The following ASB3 variants were observed in gnomAD, a reference collection of about 807,000 sequenced individuals.
ASB3 encodes ankyrin repeat and SOCS box containing 3.
A neutral mutation model predicts 54.5 loss-of-function variants in ASB3; 41 were observed. That is an observed-to-expected ratio of 0.75 (90% CI 0.59 to 0.98). The LOEUF is 0.98. Ranked by LOEUF, ASB3 falls within the 50% of genes least tolerant of loss-of-function variation. ASB3 has a pLI of 0.00. For missense variants in ASB3, 733 were observed against 620.0 expected (o/e 1.18, Z -1.94); for synonymous variants, 266 against 221.2 (o/e 1.20, Z -1.80).
rs769787388 is a variant in ASB3 at position 53,765,594 on chromosome 2, C to T, written c.-13-9G>A. The T allele has an allele frequency of 5.6e-6, 9 of 1,614,000 alleles. No individual in the cohort carries two copies. The African/African-American group carries it at 8.0e-5, about 14-fold the overall frequency. ...CCATTTGTTTGACCAGTCTACAAAA[C>T]AAGGTAGAAGGATAATACTATAGTC... On this transcript the variant is annotated splice_polypyrimidine_tract_variant and intron_variant, in intron 1 of 9. Transcript: ENST00000263634.
intron 1 of ASB3, chr2:53,771,875 C>T: frequency 2.1e-6 from 3 of 1,422,060 alleles, no homozygotes; most frequent in Non-Finnish European, 2.9e-6. Flanking sequence ...TTTATTAATT[C>T]AGAAAAATTT....
At chr2:53,720,844 T>C (rs950690306) in intron 5 of ASB3, among the ~76,000 whole-genome samples, 5 of 151,892 alleles carry the variant, frequency 3.3e-5, no homozygotes, top group African/African-American at 9.7e-5. Context: ...AAAAAGCACA[T>C]CTCAATAAAT....
At chr2:53,770,280 T>C (rs1206849946) in intron 1 of ASB3, among the ~76,000 whole-genome samples, 3 of 152,100 alleles carry the variant, frequency 2.0e-5, no homozygotes, top group African/African-American at 7.2e-5. Context: ...CAAAATCCCA[T>C]GTGTTCCATG....
intron 3 of ASB3, among the ~76,000 whole-genome samples, chr2:53,740,259 C>T (rs374497006): frequency 1.3e-5 from 2 of 151,648 alleles, no homozygotes; most frequent in East Asian, 3.9e-4. Flanking sequence ...CATTGTATAG[C>T]TAGTTTATGT....
At chr2:53,752,243 G>T (rs558656527) in intron 2 of ASB3, among the ~76,000 whole-genome samples, 1 of 152,306 alleles carries the variant, frequency 6.6e-6, no homozygotes, top group African/African-American at 2.4e-5. Context: ...TAAGTCTAGG[G>T]TAGTGATGCA....
chr2:53,673,261 A>G (rs1190972234), intron 9 of ASB3, among the ~76,000 whole-genome samples: 1 of 152,212 alleles, frequency 6.6e-6, no homozygotes, highest in Non-Finnish European at 1.5e-5. Context: ...AGGAACATGA[A>G]TACTTACTAC....
At chr2:53,679,406 G>A (rs112742865) in intron 9 of ASB3, among the ~76,000 whole-genome samples, 4,407 of 152,000 alleles carry the variant, frequency 0.029, 222 homozygotes, top group African/African-American at 0.1. Flanking sequence ...GTAAAAACTG[G>A]TCTTATGGGC....
chr2:53,732,619 T>A (rs1415503163), intron 3 of ASB3, among the ~76,000 whole-genome samples: 1 of 152,224 alleles, frequency 6.6e-6, no homozygotes, highest in Non-Finnish European at 1.5e-5. Context: ...TTTTCATTTT[T>A]TTAACCTTAT....
intron 9 of ASB3, among the ~76,000 whole-genome samples, chr2:53,680,123 T>C (rs903453733): frequency 6.6e-6 from 1 of 152,230 alleles, no homozygotes; most frequent in African/African-American, 2.4e-5. Flanking sequence ...ATGTACCACA[T>C]TTTCTTTATG....
chr2:53,753,290 G>T (rs1019583515), intron 2 of ASB3, among the ~76,000 whole-genome samples: 9 of 152,126 alleles, frequency 5.9e-5, no homozygotes, highest in Non-Finnish European at 1.0e-4. Flanking sequence ...TAGGAGTAGA[G>T]ATTAACAATT....
At chr2:53,735,808 T>G (rs974112425) in intron 3 of ASB3, among the ~76,000 whole-genome samples, 6 of 152,034 alleles carry the variant, frequency 3.9e-5, no homozygotes, top group Non-Finnish European at 5.9e-5. Flanking sequence ...AAGAGACTAA[T>G]AAAACAACTG....
intron 9 of ASB3, among the ~76,000 whole-genome samples, chr2:53,691,764 A>G (rs999847592): frequency 1.4e-4 from 21 of 152,294 alleles, no homozygotes; most frequent in African/African-American, 4.8e-4. Context: ...TCCCATCTGA[A>G]AGCCAGGCAA....
intron 9 of ASB3, among the ~76,000 whole-genome samples, chr2:53,683,526 T>C (rs1668487722): frequency 6.6e-6 from 1 of 152,188 alleles, no homozygotes. Flanking sequence ...CTCCTCTATT[T>C]TTCAGAATAG....
At position 53,694,989 on chromosome 2, in the gene ASB3, T is replaced by C. The variant is rs577524750; in HGVS notation, c.1239-975A>G. Among the ~76,000 whole-genome samples, 274 of 152,194 alleles carry C rather than the reference T, an allele frequency of 1.8e-3. 2 individuals carry two copies. Among genetic ancestry groups the C allele is most frequent in the African/African-American group, 6.1e-3 (253 of 41,530 alleles). On this transcript the variant is annotated intron_variant, in intron 8 of 9. Coordinates refer to ENST00000263634, the MANE Select transcript of ASB3 (RefSeq NM_016115.5). ...AAAAGAACTCTAAATCCTAACAAGA[T>C]TACTTATCCTGTATTCAATTAGACC...
intron 7 of ASB3, among the ~76,000 whole-genome samples, chr2:53,706,448 T>C (rs1283842328): frequency 6.9e-6 from 1 of 144,590 alleles, no homozygotes; most frequent in Non-Finnish European, 1.5e-5. Flanking sequence ...AGGCAGCTTC[T>C]TTTTTTTTTT....
At chr2:53,732,292 T>TA (rs1390086269) in intron 3 of ASB3, among the ~76,000 whole-genome samples, 12 of 151,538 alleles carry the variant, frequency 7.9e-5, no homozygotes, top group East Asian at 1.9e-4. Flanking sequence ...AACTGAAAAT[T>TA]AAAAAAAGCA....
At chr2:53,676,130 G>A (rs866868573) in intron 9 of ASB3, among the ~76,000 whole-genome samples, 1 of 152,082 alleles carries the variant, frequency 6.6e-6, no homozygotes, top group Non-Finnish European at 1.5e-5. Flanking sequence ...TTGTATCACA[G>A]ACAATGAGCA....
intron 9 of ASB3, among the ~76,000 whole-genome samples, chr2:53,687,461 T>C (rs1240274513): frequency 6.6e-6 from 1 of 152,194 alleles, no homozygotes; most frequent in Non-Finnish European, 1.5e-5. Flanking sequence ...AATTACTGAT[T>C]GAGATCTTAG....
At chr2:53,774,104 C>A in intron 1 of ASB3, 2 of 1,535,476 alleles carry the variant, frequency 1.3e-6, no homozygotes, top group South Asian at 1.3e-5. Context: ...TTTTAATTAG[C>A]CTTATAATAC....
Sources: allele counts gnomAD v4.1 joint callset (sites outside exome capture counted in the v4.1 genomes callset), GRCh38; gene constraint gnomAD v4.1.1; transcripts MANE v1.5; gene names NCBI Gene and HGNC (gene_info 2026-07-23, HGNC 2026-07-21).